Variants in NDUFAF6 observed in about 807,000 individuals in gnomAD.
The protein encoded by NDUFAF6 is NADH:ubiquinone oxidoreductase complex assembly factor 6.
Under a neutral mutation model 40.8 loss-of-function variants are expected in NDUFAF6, and 45 were observed. The ratio of observed to expected loss-of-function variants is 1.10; its 90% CI spans 0.87 to 1.42. NDUFAF6 has a LOEUF of 1.42. Ranked by LOEUF, NDUFAF6 falls within the 40% of genes most tolerant of loss-of-function variation. The probability of loss-of-function intolerance (pLI) is 0.00; values close to 1 mark genes in which losing one functional copy is unlikely to be tolerated. For missense variants in NDUFAF6, 435 were observed against 418.5 expected, an observed-to-expected ratio of 1.04 and a Z score of -0.34; for synonymous variants, 185 against 155.9, an observed-to-expected ratio of 1.19 and a Z score of -1.39.
At chr8:95,063,869 TTGC>T (rs987410303) in intron 9 of NDUFAF6, among the ~76,000 whole-genome samples, 1 of 151,476 alleles carries the variant, frequency 6.6e-6, no homozygotes, top group Admixed American at 6.6e-5. Context: ...TATTTGTTTC[TTGC>T]TGCAGTTTTT....
intron 2 of NDUFAF6, chr8:95,034,037 G>A (rs1024497360): frequency 4.4e-6 from 2 of 457,696 alleles, no homozygotes; most frequent in African/African-American, 2.0e-5. Flanking sequence ...TTGCTGTACT[G>A]TATGCCACTG....
At chr8:94,998,315 C>CAATGACAAGGGGTAA (rs1163081226) in intron 2 of NDUFAF6, among the ~76,000 whole-genome samples, 2 of 151,792 alleles carry the variant, frequency 1.3e-5, no homozygotes, top group African/African-American at 4.8e-5. Flanking sequence ...ATCCTTGTCC[C>CAATGACAAGGGGTAA]CAGATGACAA....
intron 8 of NDUFAF6, among the ~76,000 whole-genome samples, chr8:95,054,824 C>T (rs1197003221): frequency 7.2e-5 from 11 of 152,198 alleles, no homozygotes; most frequent in Non-Finnish European, 1.3e-4. Flanking sequence ...CACCCTCATT[C>T]CAGCTTGGAC....
intron 9 of NDUFAF6, chr8:95,068,145 G>A (rs1389618954): frequency 2.6e-5 from 4 of 151,982 alleles, no homozygotes; most frequent in Admixed American, 6.5e-5. Flanking sequence ...TTTATCCCAA[G>A]TCTGGGGTAC....
chr8:94,940,492 GTTGGCT>G (rs1821428273), intron 1 of NDUFAF6, among the ~76,000 whole-genome samples: 1 of 151,938 alleles, frequency 6.6e-6, no homozygotes, highest in African/African-American at 2.4e-5. Flanking sequence ...ATAGATTTAT[GTTGGCT>G]TTGCAGGAGT....
rs990215959 is a variant in NDUFAF6, at chr8:95,002,285, A to G, written c.-84+21312A>G. Among the ~76,000 whole-genome samples the G allele has an allele frequency of 3.3e-5, 5 of 152,144 alleles. No individual in the cohort carries two copies. The East Asian group carries it at 9.6e-4, about 29-fold the overall frequency. The stretch of plus-strand genomic sequence containing the variant: ...TATGTTACTTTCTTTCTTCTCTATT[A>G]TTCATTTTCTATTCAGGCCAAGGCA... On this transcript the variant is annotated intron_variant, in intron 2 of 9. Coordinates refer to the NDUFAF6 transcript ENST00000396111.
At chr8:94,932,825 C>A (rs1232948689) in intron 1 of NDUFAF6, among the ~76,000 whole-genome samples, 2 of 151,904 alleles carry the variant, frequency 1.3e-5, no homozygotes, top group Non-Finnish European at 2.9e-5. Context: ...AAAAGAATTT[C>A]AAATCCCAAA....
chr8:95,107,568 T>G (rs1407055757), downstream of NDUFAF6, among the ~76,000 whole-genome samples: 1 of 152,086 alleles, frequency 6.6e-6, no homozygotes, highest in Non-Finnish European at 1.5e-5. Flanking sequence ...CTATGGCACG[T>G]GTATACCTAT....
intron 1 of NDUFAF6, among the ~76,000 whole-genome samples, chr8:94,898,646 T>G (rs1817819139): frequency 6.6e-6 from 1 of 152,256 alleles, no homozygotes; most frequent in African/African-American, 2.4e-5. Flanking sequence ...CTTTCCATAC[T>G]GTGCTCTTTG....
intron 1 of NDUFAF6, among the ~76,000 whole-genome samples, chr8:94,958,717 A>G (rs973602177): frequency 5.9e-5 from 9 of 151,604 alleles, no homozygotes; most frequent in Admixed American, 5.9e-4. Context: ...TACCGTATTG[A>G]CCAGGCTGGC....
intron 1 of NDUFAF6, chr8:94,975,719 C>T (rs1387268002): frequency 6.6e-6 from 1 of 152,196 alleles, no homozygotes; most frequent in African/African-American, 2.4e-5. Context: ...CTGATATTCA[C>T]AGCATTATTG....
intron 2 of NDUFAF6, among the ~76,000 whole-genome samples, chr8:94,989,595 G>T (rs917217944): frequency 6.6e-6 from 1 of 152,082 alleles, no homozygotes. Flanking sequence ...ATGAACTGGG[G>T]GTCTGAATGA....
At chr8:94,907,468 T>C (rs1818466161) in intron 1 of NDUFAF6, among the ~76,000 whole-genome samples, 1 of 152,190 alleles carries the variant, frequency 6.6e-6, no homozygotes, top group Admixed American at 6.5e-5. Flanking sequence ...AGGGTAGAGC[T>C]CAATCATACA....
chr8:94,998,735 G>T (rs1826577349), intron 2 of NDUFAF6, among the ~76,000 whole-genome samples: 1 of 152,206 alleles, frequency 6.6e-6, no homozygotes, highest in South Asian at 2.1e-4. Flanking sequence ...ATGCACGCAG[G>T]AGGGTGTCTG....
intron 2 of NDUFAF6, chr8:94,950,634 A>G (rs988204799): frequency 1.2e-4 from 18 of 152,238 alleles, no homozygotes; most frequent in African/African-American, 4.1e-4. Context: ...CTTGGGAGAA[A>G]GAGCTAAAAC....
chr8:95,118,169 C>T (rs1380360659), downstream of NDUFAF6, among the ~76,000 whole-genome samples: 1 of 152,216 alleles, frequency 6.6e-6, no homozygotes, highest in African/African-American at 2.4e-5. Context: ...ACCTATGTGG[C>T]TTTAGAGTCT....
intron 2 of NDUFAF6, among the ~76,000 whole-genome samples, chr8:95,086,524 G>A (rs1193559606): frequency 1.3e-5 from 2 of 151,766 alleles, no homozygotes; most frequent in African/African-American, 4.8e-5. Flanking sequence ...ACCCTCCTCA[G>A]AATCCCTCAG....
chr8:94,982,794 C>A (rs2131586689), intron 2 of NDUFAF6, among the ~76,000 whole-genome samples: 1 of 152,368 alleles, frequency 6.6e-6, no homozygotes, highest in South Asian at 2.1e-4. Flanking sequence ...TGAGAACAGT[C>A]CCAGCTCCAT....
rs118094071 is a variant in NDUFAF6, at chr8:95,026,338, C to T, written c.197+1133C>T. On this transcript the variant is annotated intron_variant, in intron 1 of 8. Coordinates refer to ENST00000396124, the MANE Select transcript of NDUFAF6 (RefSeq NM_152416.4). ...AAAAAATTAGTTGGGCGTTGTGTCC[C>T]GCGCTTGTGGTCCCGGCTGCTCCAG... 1.8e-3 allele frequency among the ~76,000 whole-genome samples: 275 copies of T among 152,196 alleles called. 9 individuals are homozygous for T. In the East Asian group the frequency reaches 0.05, roughly 28 times the overall value.
Sources: allele counts gnomAD v4.1 joint callset (sites outside exome capture counted in the v4.1 genomes callset), GRCh38; gene constraint gnomAD v4.1.1; transcripts MANE v1.5; gene names NCBI Gene and HGNC (gene_info 2026-07-23, HGNC 2026-07-21).